HEATR4: variants seen among roughly 807,000 people sequenced by gnomAD.
The protein encoded by HEATR4 is HEAT repeat-containing protein 4.
A neutral mutation model predicts 108.8 loss-of-function variants in HEATR4; 95 were observed. That is an observed-to-expected ratio of 0.87 (90% confidence interval 0.74 to 1.04). The LOEUF (loss-of-function observed/expected upper bound fraction) is 1.04, where lower values mean the gene tolerates loss of function less well. Ranked by LOEUF, HEATR4 falls within the 50% of genes least tolerant of loss-of-function variation. The pLI is 0.00. For synonymous variants in HEATR4, 443 were observed against 459.4 expected, an observed-to-expected ratio of 0.96 and a Z score of 0.46; for missense variants, 1,152 against 1,253.8, an observed-to-expected ratio of 0.92 and a Z score of 1.23.
At position 73,492,391 on chromosome 14, in the gene HEATR4, C is replaced by T; in HGVS notation, c.2844+675G>A. On this transcript the variant is annotated intron_variant, in intron 17 of 17. Transcript: ENST00000553558. The surrounding 1 kb of genome is among the most constrained non-coding windows in gnomAD (Gnocchi z 4.9). ...TTCGGAGGGGTCTGCCCCGAGACTT[C>T]ATGGATTACATGGGGGCCCAGCATT... The T allele has an allele frequency of 6.2e-7, 1 of 1,613,858 alleles. No individual in the cohort carries two copies. The highest frequency in any genetic ancestry group is 8.5e-7 in the Non-Finnish European group (1 of 1,179,786).
the HEATR4 span, among the ~76,000 whole-genome samples, chr14:73,590,135 T>C: frequency 3.3e-5 from 5 of 152,192 alleles, no homozygotes; most frequent in Non-Finnish European, 7.3e-5. Context: ...AGCCTGCTTT[T>C]ATTCCCTTAT....
At chr14:73,494,256 G>A (rs1885967095) in intron 16 of HEATR4, among the ~76,000 whole-genome samples, 1 of 152,194 alleles carries the variant, frequency 6.6e-6, no homozygotes, top group Non-Finnish European at 1.5e-5. Context: ...AGAAGACCTG[G>A]GTTTGGGGTG....
intron 9 of HEATR4, among the ~76,000 whole-genome samples, chr14:73,507,641 G>A (rs1042726421): frequency 9.2e-5 from 14 of 151,802 alleles, no homozygotes; most frequent in Non-Finnish European, 1.6e-4. Flanking sequence ...TCACTATATT[G>A]CCCAGGCTGG....
At chr14:73,488,055 C>G (rs1035574106) in intron 17 of HEATR4, among the ~76,000 whole-genome samples, 1 of 152,128 alleles carries the variant, frequency 6.6e-6, no homozygotes, top group Non-Finnish European at 1.5e-5. Context: ...AGGGTGATGA[C>G]AGGTTTGGGG....
At chr14:73,479,152 C>G (rs542907501) in intron 17 of HEATR4, among the ~76,000 whole-genome samples, 6 of 150,304 alleles carry the variant, frequency 4.0e-5, no homozygotes, top group Admixed American at 6.6e-5. Flanking sequence ...GTCTCACACT[C>G]TCTCCCAGGC....
intron 17 of HEATR4, chr14:73,491,830 A>C: frequency 1.9e-6 from 3 of 1,606,974 alleles, no homozygotes; most frequent in Non-Finnish European, 2.5e-6. Flanking sequence ...TCAACGGACG[A>C]CGCGAGACCC....
At chr14:73,613,158 A>C in the HEATR4 span, 1 of 462,376 alleles carries the variant, frequency 2.2e-6, no homozygotes, top group East Asian at 3.6e-5. Flanking sequence ...ATGGATTCTG[A>C]GTCTGGGCGT....
At chr14:73,537,761 C>T in intron 1 of HEATR4, 2 of 1,238,936 alleles carry the variant, frequency 1.6e-6, no homozygotes, top group Non-Finnish European at 2.1e-6. Context: ...TGGCCACGAC[C>T]CCGACCCCGG....
At chr14:73,576,734 T>G in the HEATR4 span, among the ~76,000 whole-genome samples, 1 of 132,900 alleles carries the variant, frequency 7.5e-6, no homozygotes, top group Non-Finnish European at 1.5e-5. Context: ...AGGCAGAGGT[T>G]GCAGTGAGCT....
At chr14:73,569,244 T>G in the HEATR4 span, 1 of 1,613,272 alleles carries the variant, frequency 6.2e-7, no homozygotes, top group South Asian at 1.1e-5. Context: ...CGAGAGGATG[T>G]CTAACAAGCT....
At position 73,544,168 on chromosome 14, in the gene HEATR4, C is replaced by T. The variant is rs1217731654; in HGVS notation, c.-151-13924G>A. 1.7e-5 allele frequency among the ~76,000 whole-genome samples: 2 copies of T among 114,816 alleles called. 1 individual carries two copies. Among genetic ancestry groups the T allele is most frequent in the Non-Finnish European group, 3.8e-5 (2 of 52,660 alleles). 75.3% of individuals were successfully genotyped at this position (114,816 alleles called of 152,430 possible). ...AATTAGCCGGGCGTGGTGGCGCATGCCTGTAGTCCCAGCTACTCAGGAGGC... is the reference window on the plus strand; with the variant it reads ...AATTAGCCGGGCGTGGTGGCGCATGTCTGTAGTCCCAGCTACTCAGGAGGC... On this transcript the variant is annotated intron_variant, in intron 1 of 17. Transcript: ENST00000553558.
At chr14:73,585,873 T>C in the HEATR4 span, among the ~76,000 whole-genome samples, 1 of 140,924 alleles carries the variant, frequency 7.1e-6, no homozygotes, top group Non-Finnish European at 1.5e-5. Flanking sequence ...TAGGCTGGAG[T>C]GCAGCAGCGC....
chr14:73,493,567 G>A (rs1028981686), intron 16 of HEATR4, among the ~76,000 whole-genome samples: 9 of 152,028 alleles, frequency 5.9e-5, no homozygotes, highest in South Asian at 2.1e-4. Context: ...GGCTGGGTGC[G>A]GTACTCATGC....
Position 73,520,890 on chromosome 14 carries a change from T to G in HEATR4, c.1031A>C (p.Tyr344Ser), listed in dbSNP as rs774589942. 15 of 1,613,856 alleles carry G rather than the reference T, an allele frequency of 9.3e-6. No homozygotes were observed. The highest frequency in any genetic ancestry group is 1.3e-5 in the African/African-American group (1 of 74,850). Residue 344 changes from tyrosine to serine, a missense_variant, in exon 4 of 18, where the codon TAC (tyrosine) becomes TCC (serine). Tyr to Ser is a moderately radical substitution (Grantham distance 144). Transcript: ENST00000553558. ...QVTPRAGKFAYSTDNTFEQEI... is the reference protein window; with the variant it reads ...QVTPRAGKFASSTDNTFEQEI... ...CTGTTCAAAGGTGTTGTCTGTGGAG[T>G]AGGCAAACTTTCCAGCTCGGGGAGT...
intron 1 of HEATR4, chr14:73,541,441 C>T: frequency 8.2e-7 from 1 of 1,213,876 alleles, no homozygotes; most frequent in South Asian, 1.4e-5. Flanking sequence ...AGAAACCATC[C>T]AACTGTTTCA....
chr14:73,518,500 T>C (rs41334150), intron 5 of HEATR4, among the ~76,000 whole-genome samples: 8,225 of 152,268 alleles, frequency 0.054, 267 homozygotes, highest in Middle Eastern at 0.12. Context: ...CAAAGAGTCA[T>C]GGGAAATAGA....
chr14:73,595,323 A>G, the HEATR4 span: 1 of 1,614,128 alleles, frequency 6.2e-7, no homozygotes, highest in Non-Finnish European at 8.5e-7. Context: ...ATTCCAATAG[A>G]GAAGGCCCAG....
intron 17 of HEATR4, among the ~76,000 whole-genome samples, chr14:73,479,720 G>C (rs891738042): frequency 6.6e-6 from 1 of 151,896 alleles, no homozygotes. Flanking sequence ...ATGAGCCTCC[G>C]CTCCCGGCCA....
the HEATR4 span, among the ~76,000 whole-genome samples, chr14:73,621,415 C>T: frequency 6.6e-6 from 1 of 152,144 alleles, no homozygotes; most frequent in East Asian, 1.9e-4. Context: ...CCTACCAAAT[C>T]GGACTTCCTC....
Sources: allele counts gnomAD v4.1 joint callset (sites outside exome capture counted in the v4.1 genomes callset), GRCh38; gene constraint gnomAD v4.1.1; non-coding constraint Gnocchi (gnomAD v3.1); transcripts MANE v1.5; gene names NCBI Gene and HGNC (gene_info 2026-07-23, HGNC 2026-07-21).